The following SUGP2 variants were observed in gnomAD, a reference collection of about 807,000 sequenced individuals.
SUGP2 encodes the protein SURP and G-patch domain-containing protein 2.
In SUGP2, 24 loss-of-function variants were observed where a neutral mutation model predicts 90.5. The ratio of observed to expected loss-of-function variants is 0.27; its 90% confidence interval spans 0.19 to 0.37. The LOEUF is 0.37. Ranked by LOEUF, SUGP2 falls within the 10% of genes least tolerant of loss-of-function variation. SUGP2 has a pLI of 1.00. For missense variants in SUGP2, 1,233 were observed against 1,363.3 expected (o/e 0.90, Z 1.51); for synonymous variants, 473 against 513.4 (o/e 0.92, Z 1.06).
In SUGP2 at chr19:18,994,483, T is replaced by A; in HGVS notation, c.3132A>T (p.Gly1044=). The change falls in exon 10 of 11, where the codon GGA becomes GGT. Residue 1044 remains glycine (G), a synonymous_variant. Transcript: ENST00000452918. ...CCAACCCTTCCCCTTCCGAGGGGGT[T>A]CCCCTAGGGAGTGAAAAAGAGAGTC... ...GKGIREPVSV[G]TPSEGEGLGA... 3 of 1,613,686 alleles carry A rather than the reference T, an allele frequency of 1.9e-6. No individual in the cohort carries two copies. The highest frequency in any genetic ancestry group is 2.5e-6 in the Non-Finnish European group (3 of 1,179,834).
intron 6 of SUGP2, among the ~76,000 whole-genome samples, 171 bp from the exon 7 acceptor site, chr19:19,004,817 A>C (rs1189742048): frequency 6.6e-6 from 1 of 152,126 alleles, no homozygotes; most frequent in Non-Finnish European, 1.5e-5. Flanking sequence ...AATGATAGAA[A>C]ATTTGAGGAG....
chr19:19,022,873 G>C (rs1343172209), intron 3 of SUGP2, among the ~76,000 whole-genome samples: 1 of 152,138 alleles, frequency 6.6e-6, no homozygotes, highest in African/African-American at 2.4e-5. Flanking sequence ...GAACAAATGA[G>C]ACTTCGCCAC....
rs960125778 is a variant in SUGP2, at chr19:19,030,994, G to A, written c.78C>T (p.Ala26=). Residue 26 remains alanine (A), a synonymous_variant, in exon 2 of 11, where the codon GCC becomes GCT. Transcript: ENST00000452918. ...GAGTTTCGCTTACAGCCTCACCACT[G>A]GCATCCATGTGATATCGTTTGGCTT... ...QEKAKRYHMD[A]SGEAVSETLQ... 2 of 1,613,676 alleles carry A rather than the reference G, an allele frequency of 1.2e-6. No individual in the cohort carries two copies. The highest frequency in any genetic ancestry group is 1.7e-5 in the Admixed American group (1 of 59,878).
intron 5 of SUGP2, 47 bp downstream of exon 5, chr19:19,009,808 G>T: frequency 6.5e-7 from 1 of 1,546,724 alleles, no homozygotes; most frequent in Non-Finnish European, 8.7e-7. Context: ...GGAGATGGGA[G>T]AGTAGGGACT....
rs371121890 is a variant in SUGP2 at position 19,001,633 on chromosome 19, G to A, written c.2971C>T (p.Arg991Cys). The stretch of plus-strand genomic sequence containing the variant: ...CTCACCTTCTTTTTGGACATGGGAC[G>A]ACCCCGAGGCCTGTCATAGGCAATT... Reference protein sequence around the residue: ...VRIAYDRPRGRPMSKKKKPKD... With the variant: ...VRIAYDRPRGCPMSKKKKPKD... Residue 991 changes from arginine to cysteine, a missense_variant, in exon 8 of 11, where the codon CGT becomes TGT. Arg to Cys is a radical substitution (Grantham distance 180, BLOSUM62 -3). This residue lies in a region of SUGP2 where 105 missense variants were observed against 155.2 expected (regional missense o/e 0.68). Coordinates refer to ENST00000452918, the MANE Select transcript of SUGP2 (RefSeq NM_001017392.5). The A allele has an allele frequency of 2.0e-4, 327 of 1,614,068 alleles. No homozygotes were observed. The highest frequency in any genetic ancestry group is 2.6e-4 in the Non-Finnish European group (312 of 1,180,046).
chr19:19,022,640 G>C (rs540699327), intron 3 of SUGP2, among the ~76,000 whole-genome samples: 1 of 152,326 alleles, frequency 6.6e-6, no homozygotes, highest in African/African-American at 2.4e-5. Flanking sequence ...GAGGGTAAGT[G>C]GGTGGGTTAT....
At chr19:19,010,585 G>A (rs1568415657) in intron 4 of SUGP2, among the ~76,000 whole-genome samples, 1 of 152,180 alleles carries the variant, frequency 6.6e-6, no homozygotes. Flanking sequence ...AGCAGCAGCC[G>A]TGAGGGAGCT....
chr19:19,029,741 C>G (rs2059077742), intron 2 of SUGP2, among the ~76,000 whole-genome samples: 1 of 151,538 alleles, frequency 6.6e-6, no homozygotes, highest in African/African-American at 2.4e-5. Context: ...AGTTCAAAAC[C>G]AGCCTGACCA....
At chr19:19,028,563 T>C (rs553852361) in intron 2 of SUGP2, among the ~76,000 whole-genome samples, 1 of 152,292 alleles carries the variant, frequency 6.6e-6, no homozygotes, top group South Asian at 2.1e-4. Context: ...ATACCCTTTA[T>C]GAGGAGATGA....
intron 8 of SUGP2, 141 bp from the exon 9 acceptor site, chr19:18,995,421 T>A: frequency 1.0e-6 from 1 of 986,820 alleles, no homozygotes; most frequent in Non-Finnish European, 1.4e-6. Flanking sequence ...TCCAGTCACT[T>A]CCCCAGTTCT....
Position 19,025,592 on chromosome 19 carries a change from T to G in SUGP2, c.756A>C (p.Thr252=). 1 of 1,614,072 alleles carries G rather than the reference T, an allele frequency of 6.2e-7. No individual in the cohort carries two copies. Among genetic ancestry groups the G allele is most frequent in the South Asian group, 1.1e-5 (1 of 91,072 alleles). The part of the protein sequence containing the change: ...GKLVTLRNVS[T]KKIPTVNRIT... Reference sequence around the variant, plus strand: ...TACGATTCACGGTGGGTATTTTTTTTGTGCTCACATTTCTCAATGTGACAA... The same window carrying G: ...TACGATTCACGGTGGGTATTTTTTTGGTGCTCACATTTCTCAATGTGACAA... Residue 252 remains threonine (T), a synonymous_variant, in exon 3 of 11, where the codon ACA becomes ACC. Transcript: ENST00000452918.
In SUGP2 at chr19:18,994,268, G is replaced by C; in HGVS notation, c.*98C>G. ...GATTTTTTTTGTGTGTGGCATTTTT[G>C]GGGGAGCAGGGAACATCAACTTTGT... On this transcript the variant is annotated intron_variant, in intron 10 of 10. Coordinates refer to ENST00000452918, the MANE Select transcript of SUGP2 (RefSeq NM_001017392.5). The C allele has an allele frequency of 3.4e-6, 5 of 1,485,490 alleles. No homozygotes were observed. In the South Asian group the frequency reaches 5.2e-5, roughly 15 times the overall value. 92.0% of individuals were successfully genotyped at this position (1,485,490 alleles called of 1,614,324 possible).
In SUGP2 at chr19:18,995,232, G is replaced by A. The variant is rs200623366; in HGVS notation, c.3040C>T (p.Leu1014=). The A allele has an allele frequency of 1.1e-4, 178 of 1,612,700 alleles. 2 individuals are homozygous for A. In the Admixed American group the frequency reaches 2.9e-3, roughly 27 times the overall value. Residue 1014 remains leucine, a synonymous_variant, in exon 9 of 11, where the codon CTG becomes TTG. Transcript: ENST00000452918. Reference sequence around the variant, plus strand: ...ATCTTCTGCAGCATCTGGAAGCCCAGGTTCTTATCGGTCAGCTTCTGCTGG... The same window carrying A: ...ATCTTCTGCAGCATCTGGAAGCCCAAGTTCTTATCGGTCAGCTTCTGCTGG... ...FAQQKLTDKN[L]GFQMLQKMGW... is the part of the protein sequence containing the mutation.
chr19:19,011,982 A>G (rs931621954), intron 4 of SUGP2, among the ~76,000 whole-genome samples: 3 of 152,248 alleles, frequency 2.0e-5, no homozygotes, highest in Non-Finnish European at 4.4e-5. Flanking sequence ...AAGTAGCGAC[A>G]TATCAGTTAT....
intron 4 of SUGP2, among the ~76,000 whole-genome samples, chr19:19,010,821 A>G (rs2058283431): frequency 6.6e-6 from 1 of 152,104 alleles, no homozygotes; most frequent in Admixed American, 6.5e-5. Context: ...AACAGTAAAG[A>G]GAAGGTTGAG....
In SUGP2 at chr19:19,019,991, CAAAAAAAAAAA is replaced by C. The variant is rs11434968; in HGVS notation, c.1730-773_1730-763del. The stretch of plus-strand genomic sequence containing the variant: ...GTGAAACTCCGTCTCTGCTAAAATA[CAAAAAAAAAAA>C]AAAAAAAAAAAATTAGCCAGGCATG... On this transcript the variant is annotated intron_variant, in intron 3 of 10. Coordinates refer to ENST00000452918, the MANE Select transcript of SUGP2 (RefSeq NM_001017392.5). 9.8e-4 allele frequency among the ~76,000 whole-genome samples: 34 copies of C among 34,824 alleles called. 2 individuals are homozygous for C. Among genetic ancestry groups the C allele is most frequent in the Non-Finnish European group, 1.5e-3 (31 of 21,222 alleles). The allele number at this position is 34,824 out of a possible 152,430, so 22.8% of individuals were successfully genotyped here.
intron 8 of SUGP2, among the ~76,000 whole-genome samples, chr19:18,996,417 TTGTG>T (rs1370213078): frequency 6.6e-6 from 1 of 151,968 alleles, no homozygotes; most frequent in Non-Finnish European, 1.5e-5. Flanking sequence ...AATACAAAAC[TTGTG>T]TGTGTTTTTT....
chr19:19,024,919 G>A lies in SUGP2; in HGVS notation c.1429C>T (p.Arg477Trp), dbSNP rs1414373934. The change falls in exon 3 of 11, where the codon CGG becomes TGG. Residue 477 changes from arginine (R) to tryptophan (W), a missense_variant. Physicochemically the swap from Arg to Trp is moderately radical, Grantham distance 101. This residue lies in a region of SUGP2 where 59 missense variants were observed against 92.6 expected (regional missense o/e 0.64). Coordinates refer to ENST00000452918, the MANE Select transcript of SUGP2 (RefSeq NM_001017392.5). ...LALETTNSLC[R>W]KSLALLGQTF... ...TGTCCCAAAAGGGCCAAAGACTTCC[G>A]GCAGAGAGAGTTGGTGGTTTCTAGG... 6.2e-7 allele frequency: 1 copy of A among 1,614,200 alleles called. No homozygotes were observed.
At chr19:19,028,976 T>G (rs988747440) in intron 2 of SUGP2, among the ~76,000 whole-genome samples, 6 of 152,150 alleles carry the variant, frequency 3.9e-5, no homozygotes, top group African/African-American at 1.4e-4. Flanking sequence ...TGTAAGCCAC[T>G]GCACCTGGCC....
Sources: gnomAD v4.1 joint callset for allele counts (sites outside exome capture counted in the v4.1 genomes callset) on GRCh38, gnomAD v4.1.1 for gene constraint, gnomAD v4.1.1 regional missense constraint, MANE v1.5 for transcripts, NCBI Gene and HGNC (gene_info 2026-07-23, HGNC 2026-07-21) for gene names.